Variants in AGBL3 observed in about 807,000 individuals in gnomAD.
AGBL3 encodes cytosolic carboxypeptidase 3.
In AGBL3, 68 loss-of-function variants were observed where a neutral mutation model predicts 94.5. That is an observed-to-expected ratio of 0.72 (90% CI 0.59 to 0.88). The LOEUF (loss-of-function observed/expected upper bound fraction) is 0.88, where lower values mean the gene tolerates loss of function less well. Ranked by LOEUF, AGBL3 falls within the 40% of genes least tolerant of loss-of-function variation. AGBL3 has a pLI of 0.00. For missense variants in AGBL3, 934 were observed against 1,103.8 expected (o/e 0.85, Z 2.18); for synonymous variants, 354 against 370.7 (o/e 0.95, Z 0.52).
Position 135,128,956 on chromosome 7 carries a change from G to A in AGBL3, c.2343-5885G>A, listed in dbSNP as rs529066645. 1.1e-5 allele frequency: 18 copies of A among 1,577,040 alleles called. No individual in the cohort carries two copies. The African/African-American group carries it at 1.9e-4, about 17-fold the overall frequency. ...ATCTGTTTCTGTAAGAAGCTGGGTA[G>A]TGAATGCATGTACTTCTTGGAGTGC... On this transcript the variant is annotated intron_variant, in intron 16 of 16. Coordinates refer to ENST00000436302, the MANE Select transcript of AGBL3 (RefSeq NM_178563.4).
intron 4 of AGBL3, chr7:135,011,039 C>A (rs1563180980): frequency 6.6e-6 from 1 of 152,054 alleles, no homozygotes; most frequent in Non-Finnish European, 1.5e-5. Flanking sequence ...GAGTTACTAG[C>A]TCTTAAACCT....
At chr7:135,110,077 A>G (rs1331292379) in intron 15 of AGBL3, among the ~76,000 whole-genome samples, 1 of 152,022 alleles carries the variant, frequency 6.6e-6, no homozygotes, top group African/African-American at 2.4e-5. Context: ...GCTGCAAAAC[A>G]GCAAAGATAG....
intron 5 of AGBL3, among the ~76,000 whole-genome samples, chr7:135,022,574 G>A (rs983465390): frequency 6.6e-6 from 1 of 151,868 alleles, no homozygotes. Flanking sequence ...TTTGTTAGAT[G>A]GGTAAATAGC....
At chr7:135,018,854 T>A (rs1181338471) in intron 5 of AGBL3, among the ~76,000 whole-genome samples, 2 of 152,162 alleles carry the variant, frequency 1.3e-5, no homozygotes, top group Non-Finnish European at 2.9e-5. Flanking sequence ...TGAGGTAAAA[T>A]GTAGACAGAA....
intron 4 of AGBL3, among the ~76,000 whole-genome samples, chr7:135,004,690 A>G (rs1584793823): frequency 1.3e-5 from 2 of 151,688 alleles, no homozygotes; most frequent in East Asian, 3.9e-4. Context: ...AATAAATTTA[A>G]GCAAAGCATT....
Position 134,989,305 on chromosome 7 carries a change from T to C in AGBL3, c.119T>C (p.Leu40Ser), listed in dbSNP as rs756075708. 43 of 1,546,920 alleles carry C rather than the reference T, an allele frequency of 2.8e-5. No individual in the cohort carries two copies. Among genetic ancestry groups the C allele is most frequent in the Middle Eastern group, 1.7e-4 (1 of 5,992 alleles). Residue 40 changes from leucine to serine, a missense_variant, in exon 3 of 17, where the codon TTA becomes TCA. Physicochemically the swap from Leu to Ser is moderately radical, Grantham distance 145. Transcript: ENST00000436302. Reference sequence around the variant, plus strand: ...GAAGATCTTCATCGGTGTGCACTTTTAACAGGTTTGAACCTATTCATATAG... The same window carrying C: ...GAAGATCTTCATCGGTGTGCACTTTCAACAGGTTTGAACCTATTCATATAG... Reference protein sequence around the residue: ...VSEDLHRCALLTADSFGDPFF... With the variant: ...VSEDLHRCALSTADSFGDPFF...
At position 135,034,974 on chromosome 7, in the gene AGBL3, G is replaced by A. The variant is rs1301082186; in HGVS notation, c.1337+46G>A. On this transcript the variant is annotated intron_variant, in intron 7 of 16. Coordinates refer to ENST00000436302, the MANE Select transcript of AGBL3 (RefSeq NM_178563.4). ...CCTCTGTGCTTATTTAGTAAACTTG[G>A]TAGTAACAATTTTGCTCCCACAATC... 2.8e-6 allele frequency: 4 copies of A among 1,421,600 alleles called. No individual in the cohort carries two copies. The African/African-American group carries it at 5.8e-5, about 20-fold the overall frequency. 88.1% of individuals were successfully genotyped at this position (1,421,600 alleles called of 1,614,324 possible). A position where few individuals can be genotyped will look rare whatever the true frequency, so the allele number is the denominator to read the frequency against.
intron 5 of AGBL3, among the ~76,000 whole-genome samples, chr7:135,021,780 C>T (rs1387382442): frequency 6.6e-6 from 1 of 151,922 alleles, no homozygotes; most frequent in Non-Finnish European, 1.5e-5. Context: ...TTTTAAGCTC[C>T]ATGTACATTA....
At chr7:135,129,708 GA>G in intron 16 of AGBL3, 1 of 757,064 alleles carries the variant, frequency 1.3e-6, no homozygotes, top group Non-Finnish European at 2.4e-6. Flanking sequence ...TACTGCTCAA[GA>G]TATGGAAGTG....
chr7:135,134,722 C>T (rs1298500136), intron 16 of AGBL3, 119 bp from the exon 17 acceptor site: 18 of 965,496 alleles, frequency 1.9e-5, no homozygotes, highest in Non-Finnish European at 2.7e-5. Flanking sequence ...AATTCTTAAA[C>T]TTTAAGAAGT....
At chr7:135,097,661 T>C (rs1273660204) in intron 15 of AGBL3, among the ~76,000 whole-genome samples, 1 of 152,132 alleles carries the variant, frequency 6.6e-6, no homozygotes. Flanking sequence ...TAATAAAAGT[T>C]TGGGGTCACT....
chr7:135,079,937 A>G (rs1454892541), intron 13 of AGBL3, among the ~76,000 whole-genome samples: 1 of 152,106 alleles, frequency 6.6e-6, no homozygotes, highest in Non-Finnish European at 1.5e-5. Context: ...AATACATTCT[A>G]TGTGATGTGG....
intron 16 of AGBL3, among the ~76,000 whole-genome samples, chr7:135,129,989 TC>T (rs1828499591): frequency 6.6e-6 from 1 of 152,194 alleles, no homozygotes; most frequent in African/African-American, 2.4e-5. Flanking sequence ...TTTATTGCCT[TC>T]CCCAAGCTTT....
intron 11 of AGBL3, among the ~76,000 whole-genome samples, chr7:135,048,382 T>C (rs569983575): frequency 1.3e-5 from 2 of 152,034 alleles, no homozygotes; most frequent in East Asian, 3.9e-4. Flanking sequence ...TTCCTATTTT[T>C]GTAAAGGGTG....
chr7:135,090,725 T>C (rs1214633191), intron 15 of AGBL3, among the ~76,000 whole-genome samples: 2 of 152,022 alleles, frequency 1.3e-5, no homozygotes, highest in East Asian at 1.9e-4. Context: ...CAAGGTACTG[T>C]TTTCCCAGGA....
intron 11 of AGBL3, among the ~76,000 whole-genome samples, 171 bp from the exon 12 acceptor site, chr7:135,058,998 C>T (rs1199312975): frequency 6.6e-6 from 1 of 152,190 alleles, no homozygotes; most frequent in Non-Finnish European, 1.5e-5. Context: ...CTCAGGTGAT[C>T]CACCTGCCCT....
At chr7:135,012,058 C>A (rs571673035) in intron 4 of AGBL3, 1 of 152,078 alleles carries the variant, frequency 6.6e-6, no homozygotes, top group Admixed American at 6.5e-5. Flanking sequence ...ACATTTTGTA[C>A]AATATTATAT....
At chr7:135,108,584 GT>G (rs1825128716) in intron 15 of AGBL3, among the ~76,000 whole-genome samples, 1 of 152,054 alleles carries the variant, frequency 6.6e-6, no homozygotes, top group Non-Finnish European at 1.5e-5. Flanking sequence ...AGCTGATGGG[GT>G]TCCCTTTGTA....
In AGBL3 at chr7:135,129,720, G is replaced by T. The variant is rs1002994718; in HGVS notation, c.2343-5121G>T. On this transcript the variant is annotated intron_variant, in intron 16 of 16. Coordinates refer to ENST00000436302, the MANE Select transcript of AGBL3 (RefSeq NM_178563.4). The stretch of plus-strand genomic sequence containing the variant: ...AACTACTGCTCAAGATATGGAAGTG[G>T]ATTGGTTTTCCCTAATCTTTTGTCA... The T allele has an allele frequency of 6.7e-6, 5 of 743,508 alleles. No homozygotes were observed. In the African/African-American group the frequency reaches 8.6e-5, roughly 13 times the overall value. 46.1% of individuals were successfully genotyped at this position (743,508 alleles called of 1,614,324 possible).
Sources: gnomAD v4.1 joint callset for allele counts (sites outside exome capture counted in the v4.1 genomes callset) on GRCh38, gnomAD v4.1.1 for gene constraint, MANE v1.5 for transcripts, NCBI Gene and HGNC (gene_info 2026-07-23, HGNC 2026-07-21) for gene names.